The following ERAP2 variants were observed in gnomAD, a reference collection of about 807,000 sequenced individuals.
The protein encoded by ERAP2 is leukocyte-derived arginine aminopeptidase.
ERAP2 carries 118 observed loss-of-function variants against 111.1 expected under a neutral mutation model. That is an observed-to-expected ratio of 1.06 (90% CI 0.92 to 1.24). The LOEUF (loss-of-function observed/expected upper bound fraction) is 1.24, where lower values mean the gene tolerates loss of function less well. Among genes scored for constraint, ERAP2 ranks in the 50% most tolerant of loss-of-function variants. ERAP2 has a pLI of 0.00. For missense variants in ERAP2, 1,131 were observed against 1,125.8 expected, an observed-to-expected ratio of 1.00 and a Z score of -0.07; for synonymous variants, 410 against 401.2, an observed-to-expected ratio of 1.02 and a Z score of -0.26.
intron 9 of ERAP2, among the ~76,000 whole-genome samples, chr5:96,897,961 C>T (rs1390860510): frequency 6.6e-6 from 1 of 152,178 alleles, no homozygotes; most frequent in Admixed American, 6.5e-5. Context: ...CTTTGGGACA[C>T]CAAGGTGGGT....
intron 6 of ERAP2, among the ~76,000 whole-genome samples, chr5:96,894,804 C>A (rs550276823): frequency 5.8e-4 from 88 of 152,106 alleles, no homozygotes; most frequent in African/African-American, 2.1e-3. Flanking sequence ...TAAGTACCTG[C>A]TACTTAATAT....
intron 2 of ERAP2, among the ~76,000 whole-genome samples, chr5:96,882,895 C>T (rs1004998871): frequency 1.3e-5 from 2 of 152,134 alleles, no homozygotes; most frequent in Non-Finnish European, 2.9e-5. Flanking sequence ...ATTCTATTCC[C>T]CCCTCCTTTT....
rs2112463083 is a variant in ERAP2, at chr5:96,918,475, G to T, written c.*870G>T. On this transcript the variant is annotated 3_prime_UTR_variant, in exon 19 of 19. Transcript: ENST00000437043. The stretch of plus-strand genomic sequence containing the variant: ...ATCAAGAAGGCCAGGAAGGCCTTTT[G>T]GGTTAAGCCTTACATTCATGAAGAA... 6.6e-6 allele frequency: 1 copy of T among 152,320 alleles called. No individual in the cohort carries two copies. The highest frequency in any genetic ancestry group is 1.9e-4 in the East Asian group (1 of 5,178). 9.4% of individuals were successfully genotyped at this position (152,320 alleles called of 1,614,324 possible). A position where few individuals can be genotyped will look rare whatever the true frequency, so the allele number is the denominator to read the frequency against.
At chr5:96,877,763 T>C (rs1782704605) in intron 1 of ERAP2, among the ~76,000 whole-genome samples, 1 of 152,160 alleles carries the variant, frequency 6.6e-6, no homozygotes, top group African/African-American at 2.4e-5. Context: ...TTCAAGCTAA[T>C]AGACCAATTA....
At chr5:96,891,533 TATACACAC>T (rs1561372114) in intron 5 of ERAP2, among the ~76,000 whole-genome samples, 3 of 85,904 alleles carry the variant, frequency 3.5e-5, no homozygotes, top group South Asian at 4.1e-4. Flanking sequence ...ATACGGTATA[TATACACAC>T]ACACACACAC....
chr5:96,882,592 G>C (rs750298400), intron 2 of ERAP2, among the ~76,000 whole-genome samples: 8 of 152,226 alleles, frequency 5.3e-5, no homozygotes, highest in Non-Finnish European at 1.2e-4. Flanking sequence ...TGCATGTAGA[G>C]TTCCAATGAA....
At chr5:96,903,662 T>C (rs570071257) in intron 13 of ERAP2, 102 bp downstream of exon 13, 6 of 1,076,190 alleles carry the variant, frequency 5.6e-6, no homozygotes, top group East Asian at 5.0e-5. Context: ...TGATTTAATA[T>C]GGATTTGAAT....
At chr5:96,895,382 C>T in intron 7 of ERAP2, 23 bp downstream of exon 7, 1 of 1,409,656 alleles carries the variant, frequency 7.1e-7, no homozygotes, top group South Asian at 1.2e-5. Context: ...TTCTGTGTAT[C>T]ATACTATATG....
Position 96,879,803 on chromosome 5 carries a change from G to A in ERAP2, c.118G>A (p.Val40Met). ...PQICICSQFS[V>M]PSSYHFTEDP... ...AATATGCATTTGTTCTCAGTTCTCA[G>A]TGCCATCTAGTTATCACTTCACTGA... Residue 40 changes from valine (V) to methionine (M), a missense_variant, in exon 2 of 19, where the codon GTG (valine) becomes ATG (methionine). By Grantham distance (21) the Val-to-Met change is conservative. Coordinates refer to ENST00000437043, the MANE Select transcript of ERAP2 (RefSeq NM_022350.5). The A allele has an allele frequency of 6.2e-7, 1 of 1,614,152 alleles. No individual in the cohort carries two copies. The highest frequency in any genetic ancestry group is 8.5e-7 in the Non-Finnish European group (1 of 1,180,022).
chr5:96,894,082 C>T (rs1205797330), intron 6 of ERAP2, among the ~76,000 whole-genome samples: 1 of 152,202 alleles, frequency 6.6e-6, no homozygotes, highest in Non-Finnish European at 1.5e-5. Context: ...TATTTGTCTA[C>T]TGGTTGACCT....
intron 16 of ERAP2, 89 bp downstream of exon 16, chr5:96,912,887 CATAAG>C: frequency 9.5e-7 from 1 of 1,057,030 alleles, no homozygotes; most frequent in Non-Finnish European, 1.4e-6. Context: ...GTTTTAAAGG[CATAAG>C]ATAATTGAAT....
intron 1 of ERAP2, among the ~76,000 whole-genome samples, chr5:96,877,994 G>A (rs961991273): frequency 6.6e-6 from 1 of 152,184 alleles, no homozygotes; most frequent in Non-Finnish European, 1.5e-5. Context: ...AGAAGTAGCA[G>A]AGAAAACCTT....
At chr5:96,885,076 T>C (rs1783589330) in intron 3 of ERAP2, among the ~76,000 whole-genome samples, 1 of 152,234 alleles carries the variant, frequency 6.6e-6, no homozygotes, top group Admixed American at 6.5e-5. Context: ...TCAGCCTCCA[T>C]GGACTGTATC....
chr5:96,884,684 A>G (rs1371856626), intron 3 of ERAP2, among the ~76,000 whole-genome samples: 1 of 150,676 alleles, frequency 6.6e-6, no homozygotes, highest in East Asian at 2.0e-4. Context: ...CAGCCTCCCA[A>G]GTAGCTGGGA....
chr5:96,905,921 G>T (rs1267628794), intron 13 of ERAP2, among the ~76,000 whole-genome samples: 4 of 148,980 alleles, frequency 2.7e-5, no homozygotes, highest in African/African-American at 9.9e-5. Context: ...TTAGTTTGGA[G>T]AGATAATTTT....
intron 9 of ERAP2, among the ~76,000 whole-genome samples, chr5:96,899,247 T>C (rs544932526): frequency 8.0e-5 from 12 of 149,828 alleles, no homozygotes; most frequent in African/African-American, 2.9e-4. Context: ...AGTCCAATAG[T>C]TATTCAATTA....
At chr5:96,883,114 T>C (rs1415641931) in intron 2 of ERAP2, among the ~76,000 whole-genome samples, 1 of 152,120 alleles carries the variant, frequency 6.6e-6, no homozygotes, top group Admixed American at 6.6e-5. Flanking sequence ...AGACAGACCA[T>C]TAGCCAACAA....
chr5:96,879,758 T>C lies in ERAP2; in HGVS notation c.73T>C (p.Leu25=). The part of the protein sequence containing the change: ...MFNIHRGFYC[L]TAILPQICIC... Reference sequence around the variant, plus strand: ...TAACATTCACAGAGGATTTTACTGCTTAACAGCCATCTTGCCCCAAATATG... The same window carrying C: ...TAACATTCACAGAGGATTTTACTGCCTAACAGCCATCTTGCCCCAAATATG... The change falls in exon 2 of 19, where the codon TTA becomes CTA. Residue 25 remains leucine, a synonymous_variant. Transcript: ENST00000437043. 1 of 1,614,226 alleles carries C rather than the reference T, an allele frequency of 6.2e-7. No homozygotes were observed. Among genetic ancestry groups the C allele is most frequent in the East Asian group, 2.2e-5 (1 of 44,890 alleles).
In ERAP2 at chr5:96,912,616, T is replaced by C. The variant is rs755059376; in HGVS notation, c.2355-21T>C. On this transcript the variant is annotated intron_variant, in intron 15 of 18. Transcript: ENST00000437043. ...TTTCTTTCATAAAACTTTTTCTTCA[T>C]TTTTATGCTTGATATTACAGTATAC... 5.7e-6 allele frequency: 9 copies of C among 1,572,990 alleles called. No homozygotes were observed. In the African/African-American group the frequency reaches 7.0e-5, roughly 12 times the overall value.
Sources: gnomAD v4.1 joint callset for allele counts (sites outside exome capture counted in the v4.1 genomes callset) on GRCh38, gnomAD v4.1.1 for gene constraint, MANE v1.5 for transcripts, NCBI Gene and HGNC (gene_info 2026-07-23, HGNC 2026-07-21) for gene names.